Variants in AKT1S1 observed in about 807,000 individuals in gnomAD.
AKT1S1 encodes the protein AKT1 substrate 1, also known as proline-rich AKT1 substrate 1.
In AKT1S1, 17 loss-of-function variants were observed where a neutral mutation model predicts 21.2. The observed-to-expected ratio is 0.80, with a 90% CI of 0.55 to 1.20. The LOEUF is 1.20. Among genes scored for constraint, AKT1S1 ranks in the 50% most tolerant of loss-of-function variants. AKT1S1 has a pLI of 0.00. For synonymous variants in AKT1S1, 181 were observed against 165.6 expected (o/e 1.09, Z -0.72); for missense variants, 366 against 368.3 (o/e 0.99, Z 0.05).
chr19:49,872,509 T>C (rs932039534), intron 2 of AKT1S1, among the ~76,000 whole-genome samples: 2 of 152,090 alleles, frequency 1.3e-5, no homozygotes, highest in African/African-American at 4.8e-5. Context: ...CTTCCTCAGA[T>C]GTTGGCTGCA....
At position 49,873,100 on chromosome 19, in the gene AKT1S1, C is replaced by G; in HGVS notation, c.196G>C (p.Ala66Pro). 1 of 1,547,956 alleles carries G rather than the reference C, an allele frequency of 6.5e-7. No homozygotes were observed. Among genetic ancestry groups the G allele is most frequent in the Non-Finnish European group, 8.7e-7 (1 of 1,149,590 alleles). The change falls in exon 2 of 5, where the codon GCA becomes CCA. Residue 66 changes from alanine (A) to proline (P), a missense_variant. By Grantham distance (27) the Ala-to-Pro change is conservative. Transcript: ENST00000344175. This position sits in a 1 kb window ranked among gnomAD's most constrained non-coding sequence, Gnocchi z 6.9. The part of the protein sequence containing the change: ...EAARRCLHDI[A>P]LAHRAATAAR... ...GCAGTGGCAGCCCTGTGGGCCAGTG[C>G]GATGTCGTGGAGGCAACGGCGCGCT...
intron 4 of AKT1S1, 38 bp from the exon 5 acceptor site, chr19:49,870,098 G>C: frequency 6.8e-7 from 1 of 1,477,020 alleles, no homozygotes; most frequent in Non-Finnish European, 9.0e-7. Flanking sequence ...AGCGCCGGCA[G>C]GGCAATCCCC....
At chr19:49,878,248 T>A, upstream of AKT1S1, 1 of 1,555,440 alleles carries the variant, frequency 6.4e-7, no homozygotes, top group Non-Finnish European at 8.7e-7. Context: ...AAAGGTGCGC[T>A]GGGAGGGAGC....
chr19:49,876,660 G>A, intron 1 of AKT1S1: 2 of 1,495,054 alleles, frequency 1.3e-6, no homozygotes, highest in Non-Finnish European at 1.8e-6. Context: ...AGACATGGCG[G>A]CGCCTTGCGT....
intron 1 of AKT1S1, chr19:49,876,154 G>T: frequency 3.0e-6 from 3 of 999,088 alleles, no homozygotes; most frequent in Non-Finnish European, 2.4e-6. Context: ...GTAGCCATGG[G>T]GTGAGCGCCT....
chr19:49,875,820 AC>A (rs2074934289), intron 1 of AKT1S1: 9 of 984,364 alleles, frequency 9.1e-6, no homozygotes, highest in Admixed American at 1.2e-4. Flanking sequence ...GTCCAGGGGC[AC>A]CCTGTAATGC....
rs529169191 is a variant in AKT1S1 at position 49,876,595 on chromosome 19, C to A, written c.-8+642G>T. 234 of 1,517,646 alleles carry A rather than the reference C, an allele frequency of 1.5e-4. 4 individuals carry two copies. The South Asian group carries it at 2.8e-3, about 18-fold the overall frequency. The allele number at this position is 1,517,646 out of a possible 1,614,324, so 94.0% of individuals were successfully genotyped here. On this transcript the variant is annotated intron_variant, in intron 1 of 4. Transcript: ENST00000344175. ...CACACCGCGGTTAACAACGCCGCCTCCACTCACGTGCCCGTAGCCAGCATG... is the reference window on the plus strand; with the variant it reads ...CACACCGCGGTTAACAACGCCGCCTACACTCACGTGCCCGTAGCCAGCATG...
At chr19:49,870,685 C>A (rs1600429232) in intron 4 of AKT1S1, among the ~76,000 whole-genome samples, 2 of 152,312 alleles carry the variant, frequency 1.3e-5, no homozygotes, top group South Asian at 4.1e-4. Context: ...CAGGATGGGA[C>A]CCGGAGACCC....
intron 1 of AKT1S1, chr19:49,875,890 G>A (rs1278369918): frequency 2.0e-6 from 2 of 985,318 alleles, no homozygotes; most frequent in Non-Finnish European, 2.4e-6. Flanking sequence ...GCTTCTAGAG[G>A]AGGTCCTGTT....
chr19:49,876,313 C>T (rs1260753958), intron 1 of AKT1S1: 4 of 1,200,288 alleles, frequency 3.3e-6, no homozygotes, highest in Non-Finnish European at 4.1e-6. Context: ...CGCCCCGAGG[C>T]CCCCCAAACC....
intron 4 of AKT1S1, 48 bp from the exon 5 acceptor site, chr19:49,870,108 C>T (rs1354159978): frequency 4.1e-6 from 6 of 1,450,600 alleles, no homozygotes; most frequent in Admixed American, 4.9e-5. Context: ...GGGCAATCCC[C>T]CTGCACCCAC....
intron 4 of AKT1S1, among the ~76,000 whole-genome samples, chr19:49,871,318 A>G (rs530913727): frequency 6.6e-6 from 1 of 152,284 alleles, no homozygotes; most frequent in Non-Finnish European, 1.5e-5. Flanking sequence ...CTATAAATAG[A>G]GACGCTCCTG....
rs1265516220 is a variant in AKT1S1, at chr19:49,873,632, CAG to C, written c.-7-332_-7-331del. 2 of 328,050 alleles carry C rather than the reference CAG, an allele frequency of 6.1e-6. No homozygotes were observed. Among genetic ancestry groups the C allele is most frequent in the South Asian group, 6.2e-5 (1 of 16,230 alleles). 20.3% of individuals were successfully genotyped at this position (328,050 alleles called of 1,614,324 possible). On this transcript the variant is annotated intron_variant, in intron 1 of 4. Transcript: ENST00000344175. The surrounding 1 kb of genome is among the most constrained non-coding windows in gnomAD (Gnocchi z 6.9). Reference sequence around the variant, plus strand: ...GTACTGGAAAGGCAGGGAGTCCTAGCAGAGAGTCCTAGCAGAGAGGCCTCTAA... The same window carrying C: ...GTACTGGAAAGGCAGGGAGTCCTAGCAGAGTCCTAGCAGAGAGGCCTCTAA...
chr19:49,876,526 C>A, intron 1 of AKT1S1: 1 of 1,451,440 alleles, frequency 6.9e-7, no homozygotes, highest in Non-Finnish European at 9.1e-7. Flanking sequence ...GTGAGCCGCT[C>A]GCCCTCCCAG....
In AKT1S1 at chr19:49,874,133, C is replaced by T. The variant is rs1194145017; in HGVS notation, c.-7-831G>A. 2.6e-5 allele frequency: 4 copies of T among 152,406 alleles called. No homozygotes were observed. In the East Asian group the frequency reaches 7.7e-4, roughly 29 times the overall value. 9.4% of individuals were successfully genotyped at this position (152,406 alleles called of 1,614,324 possible). A position where few individuals can be genotyped will look rare whatever the true frequency, so the allele number is the denominator to read the frequency against. ...GCCTTCAGAAAACGTGGTCCCTGAC[C>T]TTGATGACTTGTGCTCCATTCCCCA... On this transcript the variant is annotated intron_variant, in intron 1 of 4. Transcript: ENST00000344175.
At chr19:49,875,746 C>A (rs2074932922) in intron 1 of AKT1S1, 3 of 609,896 alleles carry the variant, frequency 4.9e-6, no homozygotes, top group Non-Finnish European at 6.2e-6. Context: ...GTTGTGAGGG[C>A]TCCCCCAACT....
At chr19:49,877,541 G>A (rs1277485870), upstream of AKT1S1, 3 of 580,404 alleles carry the variant, frequency 5.2e-6, no homozygotes, top group Non-Finnish European at 8.8e-6. Context: ...ACGTGACTCC[G>A]ATCCACCCTC....
intron 1 of AKT1S1, chr19:49,874,243 G>A (rs1399282908): frequency 6.6e-6 from 1 of 152,344 alleles, no homozygotes; most frequent in African/African-American, 2.4e-5. Context: ...GTCCCACACT[G>A]TCTGAGTGGC....
At chr19:49,876,297 G>A in intron 1 of AKT1S1, 1 of 1,191,206 alleles carries the variant, frequency 8.4e-7, no homozygotes. Flanking sequence ...TTGGACGGGT[G>A]AGGGGCGCCC....
Sources: allele counts gnomAD v4.1 joint callset (sites outside exome capture counted in the v4.1 genomes callset), GRCh38; gene constraint gnomAD v4.1.1; non-coding constraint Gnocchi (gnomAD v3.1); transcripts MANE v1.5; gene names NCBI Gene and HGNC (gene_info 2026-07-23, HGNC 2026-07-21).